NCAM2: variants seen among roughly 807,000 people sequenced by gnomAD.
The protein encoded by NCAM2 is neural cell adhesion molecule 2.
Under a neutral mutation model 98.1 loss-of-function variants are expected in NCAM2, and 30 were observed. The ratio of observed to expected loss-of-function variants is 0.31; its 90% CI spans 0.23 to 0.41. The LOEUF is 0.41. Ranked by LOEUF, NCAM2 falls within the 10% of genes least tolerant of loss-of-function variation. The pLI, the probability that NCAM2 is intolerant of heterozygous loss-of-function variation, is 1.00. For synonymous variants in NCAM2, 368 were observed against 342.4 expected (o/e 1.07, Z -0.83); for missense variants, 867 against 1,005.8 (o/e 0.86, Z 1.87).
At chr21:21,047,900 A>G (rs2065031935) in intron 1 of NCAM2, among the ~76,000 whole-genome samples, 1 of 152,176 alleles carries the variant, frequency 6.6e-6, no homozygotes, top group Admixed American at 6.5e-5. Flanking sequence ...TTTATTTAAC[A>G]CTGTATGTCA....
intron 1 of NCAM2, chr21:21,147,265 G>T: frequency 1.0e-6 from 1 of 984,258 alleles, no homozygotes; most frequent in African/African-American, 1.7e-5. Flanking sequence ...AATATTCAGA[G>T]ATGTGTCACT....
chr21:21,215,922 CAA>C (rs984127892), intron 1 of NCAM2, among the ~76,000 whole-genome samples: 1 of 152,130 alleles, frequency 6.6e-6, no homozygotes, highest in Non-Finnish European at 1.5e-5. Flanking sequence ...AGTACAGTAA[CAA>C]GAGAGCTAAA....
intron 8 of NCAM2, among the ~76,000 whole-genome samples, chr21:21,355,663 T>G (rs1339943160): frequency 6.6e-6 from 1 of 151,360 alleles, no homozygotes; most frequent in East Asian, 2.0e-4. Flanking sequence ...TCACCCAGGC[T>G]GGAGCGCAGT....
rs1279233510 is a variant in NCAM2, at chr21:21,334,790, C to G, written c.738-715C>G. Among the ~76,000 whole-genome samples the G allele has an allele frequency of 2.0e-5, 3 of 151,710 alleles. No individual in the cohort carries two copies. The East Asian group carries it at 5.8e-4, about 29-fold the overall frequency. ...GATTATAGTAAAAAATGTTTGAAAGCCGTGGTTGGTTTTAAAGGACAACTT... is the reference window on the plus strand; with the variant it reads ...GATTATAGTAAAAAATGTTTGAAAGGCGTGGTTGGTTTTAAAGGACAACTT... On this transcript the variant is annotated intron_variant, in intron 6 of 17. Coordinates refer to ENST00000400546, the MANE Select transcript of NCAM2 (RefSeq NM_004540.5).
At chr21:21,149,901 A>G (rs2067397447) in intron 1 of NCAM2, among the ~76,000 whole-genome samples, 1 of 152,136 alleles carries the variant, frequency 6.6e-6, no homozygotes, top group Non-Finnish European at 1.5e-5. Context: ...TTTATAGTAG[A>G]ATGATTTATA....
At chr21:21,401,255 A>G (rs1389903089) in intron 9 of NCAM2, among the ~76,000 whole-genome samples, 2 of 151,032 alleles carry the variant, frequency 1.3e-5, no homozygotes, top group Admixed American at 6.7e-5. Context: ...TGATATTTTC[A>G]TATATGTCTA....
At chr21:21,341,917 G>A (rs1208480770) in intron 8 of NCAM2, among the ~76,000 whole-genome samples, 2 of 152,096 alleles carry the variant, frequency 1.3e-5, no homozygotes, top group Non-Finnish European at 2.9e-5. Context: ...TTGACTGAGG[G>A]GGACAATGGT....
intron 8 of NCAM2, 40 bp downstream of exon 8, chr21:21,338,574 C>T (rs2074942117): frequency 2.0e-6 from 3 of 1,495,874 alleles, no homozygotes; most frequent in East Asian, 5.0e-5. Flanking sequence ...CATTACCATG[C>T]AATTTCAGTA....
At chr21:21,356,847 G>C (rs902091652) in intron 8 of NCAM2, among the ~76,000 whole-genome samples, 3 of 152,042 alleles carry the variant, frequency 2.0e-5, no homozygotes, top group Non-Finnish European at 4.4e-5. Context: ...AAAATTAGCA[G>C]GGCGTGGTGG....
In NCAM2 at chr21:21,204,138, G is replaced by A. The variant is rs560613229; in HGVS notation, c.56-76440G>A. Among the ~76,000 whole-genome samples the A allele has an allele frequency of 5.3e-5, 8 of 152,204 alleles. No homozygotes were observed. In the East Asian group the frequency reaches 1.2e-3, roughly 22 times the overall value. On this transcript the variant is annotated intron_variant, in intron 1 of 17. Transcript: ENST00000400546. ...ATGATCCATCTTCAATTTTGACATA[G>A]GTGTATTTGCTGAGTCAGAGCTCAC...
At chr21:21,180,128 A>T (rs1038765091) in intron 1 of NCAM2, among the ~76,000 whole-genome samples, 2 of 152,124 alleles carry the variant, frequency 1.3e-5, no homozygotes, top group African/African-American at 4.8e-5. Context: ...TCACAGACTG[A>T]TGGCTACCAT....
intron 17 of NCAM2, among the ~76,000 whole-genome samples, chr21:21,535,273 A>C (rs765570543): frequency 6.6e-6 from 1 of 152,162 alleles, no homozygotes; most frequent in Admixed American, 6.5e-5. Context: ...TAATTAGAAT[A>C]ATTCAAAGCA....
intron 15 of NCAM2, among the ~76,000 whole-genome samples, chr21:21,507,788 CAAAAAAA>C (rs35904478): frequency 1.0e-5 from 1 of 98,102 alleles, no homozygotes. Context: ...GACTCCATCT[CAAAAAAA>C]AAAAAAAAAA....
At chr21:21,148,885 TA>T (rs1469375319) in intron 1 of NCAM2, among the ~76,000 whole-genome samples, 1 of 152,168 alleles carries the variant, frequency 6.6e-6, no homozygotes, top group Admixed American at 6.5e-5. Flanking sequence ...ATACCATATT[TA>T]CTAAAATTAT....
chr21:21,145,482 A>G (rs957743778), intron 1 of NCAM2, among the ~76,000 whole-genome samples: 2 of 152,162 alleles, frequency 1.3e-5, no homozygotes, highest in Admixed American at 6.5e-5. Context: ...AGTATGCAAT[A>G]TGTCTTATAA....
At position 21,243,993 on chromosome 21, in the gene NCAM2, C is replaced by G. The variant is rs185814144; in HGVS notation, c.56-36585C>G. 2.3e-3 allele frequency among the ~76,000 whole-genome samples: 357 copies of G among 152,180 alleles called. 2 individuals are homozygous for G. Among genetic ancestry groups the G allele is most frequent in the South Asian group, 0.013 (63 of 4,828 alleles). On this transcript the variant is annotated intron_variant, in intron 1 of 17. Coordinates refer to ENST00000400546, the MANE Select transcript of NCAM2 (RefSeq NM_004540.5). ...TCCCTTTAATTATGAGTCAGTAGAT[C>G]AGGGAATAGGACCCAAGCATGGGTA...
intron 1 of NCAM2, among the ~76,000 whole-genome samples, chr21:21,004,265 A>G (rs1197449295): frequency 6.6e-6 from 1 of 152,184 alleles, no homozygotes; most frequent in Non-Finnish European, 1.5e-5. Context: ...TAAAATGAGA[A>G]TATTATCAGC....
intron 1 of NCAM2, among the ~76,000 whole-genome samples, chr21:21,204,466 G>A (rs2069358553): frequency 6.6e-6 from 1 of 152,044 alleles, no homozygotes; most frequent in Non-Finnish European, 1.5e-5. Context: ...TTCTTTGGAA[G>A]AAAGATATTT....
intron 15 of NCAM2, among the ~76,000 whole-genome samples, chr21:21,486,561 C>T (rs189104509): frequency 5.3e-5 from 8 of 152,196 alleles, no homozygotes; most frequent in Admixed American, 5.2e-4. Flanking sequence ...AGTAACACCT[C>T]CAGAAACTGT....
Sources: gnomAD v4.1 joint callset for allele counts (sites outside exome capture counted in the v4.1 genomes callset) on GRCh38, gnomAD v4.1.1 for gene constraint, MANE v1.5 for transcripts, NCBI Gene and HGNC (gene_info 2026-07-23, HGNC 2026-07-21) for gene names.